The following ISL1 variants were observed in gnomAD, a reference collection of about 807,000 sequenced individuals.
The protein encoded by ISL1 is insulin gene enhancer protein ISL-1.
Under a neutral mutation model 35.3 loss-of-function variants are expected in ISL1, and 4 were observed. The ratio of observed to expected loss-of-function variants is 0.11; its 90% CI spans 0.06 to 0.26. The LOEUF (loss-of-function observed/expected upper bound fraction) is 0.26, where lower values mean the gene tolerates loss of function less well. Among genes scored for constraint, ISL1 ranks in the 10% least tolerant of loss-of-function variants. ISL1 has a pLI of 1.00. For synonymous variants in ISL1, 186 were observed against 172.3 expected (o/e 1.08, Z -0.62); for missense variants, 340 against 472.8 (o/e 0.72, Z 2.60).
intron 4 of ISL1, 58 bp from the exon 5 acceptor site, chr5:51,391,216 C>G (rs138633716): frequency 1.9e-6 from 3 of 1,577,244 alleles, no homozygotes; most frequent in South Asian, 2.2e-5. Context: ...GTGCAGACAA[C>G]GGAGGGAGGG....
At position 51,387,452 on chromosome 5, in the gene ISL1, C is replaced by G. The variant is rs759051868; in HGVS notation, c.219-38C>G. Reference sequence around the variant, plus strand: ...CCCCCTCTTCCTGTACTTCTCTCCCCGCTCTGGGCCGCCTCCGCTCCCCCC... The same window carrying G: ...CCCCCTCTTCCTGTACTTCTCTCCCGGCTCTGGGCCGCCTCCGCTCCCCCC... On this transcript the variant is annotated intron_variant, in intron 2 of 5. Coordinates refer to ENST00000230658, the MANE Select transcript of ISL1 (RefSeq NM_002202.3). This position sits in a 1 kb window ranked among gnomAD's most constrained non-coding sequence, Gnocchi z 4.3. 4.0e-5 allele frequency: 65 copies of G among 1,611,030 alleles called. No individual in the cohort carries two copies. Among genetic ancestry groups the G allele is most frequent in the Middle Eastern group, 1.7e-4 (1 of 6,036 alleles).
In ISL1 at chr5:51,384,547, G is replaced by C. The variant is rs551356376; in HGVS notation, c.35G>C (p.Arg12Pro). 6.2e-7 allele frequency: 1 copy of C among 1,613,854 alleles called. No individual in the cohort carries two copies. The highest frequency in any genetic ancestry group is 1.1e-5 in the South Asian group (1 of 91,072). Residue 12 changes from arginine (R) to proline (P), a missense_variant, in exon 2 of 6, where the codon CGT becomes CCT. Arg to Pro is a moderately radical substitution (Grantham distance 103). Transcript: ENST00000230658. ...GDMGDPPKKK[R>P]LISLCVGCGN... is the part of the protein sequence containing the mutation. ...GTATTTATTTTCATTTCAGAAAAAC[G>C]TCTGATTTCCCTATGTGTTGGTTGC... is the stretch of plus-strand genomic sequence containing the variant.
chr5:51,387,412 G>A lies in ISL1; in HGVS notation c.219-78G>A. 1 of 1,518,670 alleles carries A rather than the reference G, an allele frequency of 6.6e-7. No homozygotes were observed. Among genetic ancestry groups the A allele is most frequent in the South Asian group, 1.2e-5 (1 of 85,392 alleles). 94.1% of individuals were successfully genotyped at this position (1,518,670 alleles called of 1,614,324 possible). On this transcript the variant is annotated intron_variant, in intron 2 of 5. Transcript: ENST00000230658. This position sits in a 1 kb window ranked among gnomAD's most constrained non-coding sequence, Gnocchi z 4.3. ...GCCCGGGATCTTGGGCCAGGGAAGT[G>A]CCGGCCTGAAGTGACCCCCTCTTCC...
At chr5:51,390,761 C>G (rs760138004) in intron 4 of ISL1, among the ~76,000 whole-genome samples, 1 of 142,764 alleles carries the variant, frequency 7.0e-6, no homozygotes, top group Non-Finnish European at 1.5e-5. Context: ...GGCCAGGGCA[C>G]TTTCTGAGTT....
intron 5 of ISL1, among the ~76,000 whole-genome samples, chr5:51,392,943 AAG>A (rs894151414): frequency 2.6e-5 from 4 of 151,638 alleles, no homozygotes; most frequent in African/African-American, 2.4e-5. Context: ...GCCTGATTTA[AAG>A]AGAGAGAGAG....
In ISL1 at chr5:51,389,980, C is replaced by G. The variant is rs1485452337; in HGVS notation, c.765+48C>G. 1.3e-6 allele frequency: 2 copies of G among 1,597,714 alleles called. No individual in the cohort carries two copies. Among genetic ancestry groups the G allele is most frequent in the Middle Eastern group, 3.3e-4 (2 of 6,026 alleles). The stretch of plus-strand genomic sequence containing the variant: ...AGGGAATGCGAGGGGGAAGGAGACG[C>G]AGCGTGCGAGGTGCGTTCCTGGTAC... On this transcript the variant is annotated intron_variant, in intron 4 of 5. Transcript: ENST00000230658. The surrounding 1 kb of genome is among the most constrained non-coding windows in gnomAD (Gnocchi z 5.0).
intron 2 of ISL1, chr5:51,386,692 A>G (rs1204641750): frequency 8.9e-6 from 4 of 447,880 alleles, no homozygotes; most frequent in East Asian, 1.4e-4. Context: ...CATTCTGGTC[A>G]TGGTTTTCAA....
chr5:51,386,113 A>G (rs574182415), intron 2 of ISL1: 1 of 152,802 alleles, frequency 6.5e-6, no homozygotes, highest in African/African-American at 2.4e-5. Flanking sequence ...ATGAAATGGA[A>G]GATCTCACAT....
intron 1 of ISL1, 63 bp from the exon 2 acceptor site, chr5:51,384,478 A>G (rs1226906845): frequency 1.8e-5 from 27 of 1,465,438 alleles, no homozygotes; most frequent in Non-Finnish European, 2.4e-5. Context: ...AACGACACTA[A>G]AAGTGTGTTT....
rs1747453854 is a variant in ISL1, at chr5:51,390,076, C to T, written c.765+144C>T. ...CCGGGGCTGCCCCTCATCCTTACCC[C>T]CCTACCCATGCCCCGGGGGACAGGC... On this transcript the variant is annotated intron_variant, in intron 4 of 5. Transcript: ENST00000230658. 7 of 995,648 alleles carry T rather than the reference C, an allele frequency of 7.0e-6. No individual in the cohort carries two copies. The East Asian group carries it at 1.6e-4, about 22-fold the overall frequency. 61.7% of individuals were successfully genotyped at this position (995,648 alleles called of 1,614,324 possible).
At position 51,387,662 on chromosome 5, in the gene ISL1, G is replaced by A. The variant is rs750212644; in HGVS notation, c.391G>A (p.Ala131Thr). The change falls in exon 3 of 6, where the codon GCA becomes ACA. Residue 131 changes from alanine to threonine, a missense_variant. Coordinates refer to ENST00000230658, the MANE Select transcript of ISL1 (RefSeq NM_002202.3). The surrounding 1 kb of genome is among the most constrained non-coding windows in gnomAD (Gnocchi z 4.3). Reference sequence around the variant, plus strand: ...TCGGGAGGACGGTCTCTTCTGCCGAGCAGACCACGATGTGGTGGAGAGGGC... The same window carrying A: ...TCGGGAGGACGGTCTCTTCTGCCGAACAGACCACGATGTGGTGGAGAGGGC... ...ALREDGLFCR[A>T]DHDVVERASL... 1.2e-6 allele frequency: 2 copies of A among 1,614,234 alleles called. No homozygotes were observed. Among genetic ancestry groups the A allele is most frequent in the Non-Finnish European group, 1.7e-6 (2 of 1,180,054 alleles).
At chr5:51,384,953 C>G (rs1267151484) in intron 2 of ISL1, among the ~76,000 whole-genome samples, 1 of 152,072 alleles carries the variant, frequency 6.6e-6, no homozygotes. Context: ...TTCATAATTC[C>G]GGGGTATTGA....
In ISL1 at chr5:51,383,594, C is replaced by T; in HGVS notation, c.-78C>T. ...GCCAATATTTCCCACTTAGCCACAGCTCCAGCATCCTCTCTGTGGGCTGTT... is the reference window on the plus strand; with the variant it reads ...GCCAATATTTCCCACTTAGCCACAGTTCCAGCATCCTCTCTGTGGGCTGTT... On this transcript the variant is annotated 5_prime_UTR_variant, in exon 1 of 6. Transcript: ENST00000230658. The T allele has an allele frequency of 2.5e-6, 3 of 1,222,808 alleles. No individual in the cohort carries two copies. Among genetic ancestry groups the T allele is most frequent in the Non-Finnish European group, 3.6e-6 (3 of 822,462 alleles). 75.7% of individuals were successfully genotyped at this position (1,222,808 alleles called of 1,614,324 possible). A position where few individuals can be genotyped will look rare whatever the true frequency, so the allele number is the denominator to read the frequency against.
At chr5:51,392,477 T>A (rs918557150) in intron 5 of ISL1, among the ~76,000 whole-genome samples, 12 of 152,184 alleles carry the variant, frequency 7.9e-5, no homozygotes, top group African/African-American at 2.9e-4. Context: ...AACAGTTAGG[T>A]AATTGGCCAG....
chr5:51,392,588 T>A (rs1348410317), intron 5 of ISL1, among the ~76,000 whole-genome samples: 3 of 152,184 alleles, frequency 2.0e-5, no homozygotes, highest in Non-Finnish European at 4.4e-5. Context: ...AAAAATTTAC[T>A]GTAGAAAGAA....
At position 51,389,883 on chromosome 5, in the gene ISL1, G is replaced by A; in HGVS notation, c.716G>A (p.Arg239Gln). Residue 239 changes from arginine (R) to glutamine (Q), a missense_variant, in exon 4 of 6, where the codon CGA becomes CAA. Arg to Gln is a conservative substitution (Grantham distance 43, BLOSUM62 1). Around this residue, in one of 7 missense-constraint regions of ISL1, gnomAD observed 25 missense variants for 43.2 expected, o/e 0.58. Coordinates refer to ENST00000230658, the MANE Select transcript of ISL1 (RefSeq NM_002202.3). This position sits in a 1 kb window ranked among gnomAD's most constrained non-coding sequence, Gnocchi z 5.0. ...FQNKRCKDKK[R>Q]SIMMKQLQQQ... ...AACAAGCGGTGCAAGGACAAGAAGC[G>A]AAGCATCATGATGAAGCAACTCCAG... 1 of 1,614,198 alleles carries A rather than the reference G, an allele frequency of 6.2e-7. No individual in the cohort carries two copies. The highest frequency in any genetic ancestry group is 8.5e-7 in the Non-Finnish European group (1 of 1,180,032).
rs887418239 is a variant in ISL1 at position 51,388,000 on chromosome 5, C to T, written c.478+251C>T. ...CTATATGGTTACACATAAATGTACA[C>T]CACTTGTGTACACGTGTATACACAC... On this transcript the variant is annotated intron_variant, in intron 3 of 5. Transcript: ENST00000230658. The surrounding 1 kb of genome is among the most constrained non-coding windows in gnomAD (Gnocchi z 4.3). 6.6e-6 allele frequency among the ~76,000 whole-genome samples: 1 copy of T among 152,392 alleles called. No homozygotes were observed. Among genetic ancestry groups the T allele is most frequent in the South Asian group, 2.1e-4 (1 of 4,832 alleles).
chr5:51,383,525 G>A lies in ISL1; in HGVS notation c.-147G>A. Reference sequence around the variant, plus strand: ...TGGACTCCTAGATCCGCGAGGGCGCGGCGCAGCCGAGCAGCGGCTCTTTCA... The same window carrying A: ...TGGACTCCTAGATCCGCGAGGGCGCAGCGCAGCCGAGCAGCGGCTCTTTCA... On this transcript the variant is annotated 5_prime_UTR_variant, in exon 1 of 6. Transcript: ENST00000230658. 1 of 763,598 alleles carries A rather than the reference G, an allele frequency of 1.3e-6. No homozygotes were observed. Among genetic ancestry groups the A allele is most frequent in the Non-Finnish European group, 2.4e-6 (1 of 423,630 alleles). The allele number at this position is 763,598 out of a possible 1,614,324, so 47.3% of individuals were successfully genotyped here.
chr5:51,386,759 G>A (rs1747351161), intron 2 of ISL1: 6 of 377,360 alleles, frequency 1.6e-5, no homozygotes, highest in Middle Eastern at 8.2e-4. Flanking sequence ...GGGAACAGAC[G>A]CAGATTTTTT....
Sources: allele counts gnomAD v4.1 joint callset (sites outside exome capture counted in the v4.1 genomes callset), GRCh38; gene constraint gnomAD v4.1.1; regional missense constraint gnomAD v4.1.1; non-coding constraint Gnocchi (gnomAD v3.1); transcripts MANE v1.5; gene names NCBI Gene and HGNC (gene_info 2026-07-23, HGNC 2026-07-21).